RORB: variants seen among roughly 807,000 people sequenced by gnomAD.
The protein encoded by RORB is RAR related orphan receptor B.
In RORB, 6 loss-of-function variants were observed where a neutral mutation model predicts 59.1. The ratio of observed to expected loss-of-function variants is 0.10; its 90% CI spans 0.06 to 0.20. The LOEUF (loss-of-function observed/expected upper bound fraction) is 0.20, where lower values mean the gene tolerates loss of function less well. Among genes scored for constraint, RORB ranks in the 10% least tolerant of loss-of-function variants. The probability of loss-of-function intolerance (pLI) is 1.00; values close to 1 mark genes in which losing one functional copy is unlikely to be tolerated. For synonymous variants in RORB, 215 were observed against 204.5 expected (o/e 1.05, Z -0.44); for missense variants, 320 against 560.5 (o/e 0.57, Z 4.33).
intron 4 of RORB, among the ~76,000 whole-genome samples, chr9:74,644,500 C>T (rs752729227): frequency 6.6e-6 from 1 of 152,100 alleles, no homozygotes; most frequent in Non-Finnish European, 1.5e-5. Context: ...CCTATAATTA[C>T]TAAATGACAG....
intron 1 of RORB, among the ~76,000 whole-genome samples, chr9:74,517,361 G>T (rs1454143466): frequency 1.3e-5 from 2 of 151,938 alleles, no homozygotes; most frequent in Non-Finnish European, 2.9e-5. Context: ...TATGTAACTT[G>T]CACTATACTC....
chr9:74,508,601 A>G (rs1012454372), intron 1 of RORB, among the ~76,000 whole-genome samples: 9 of 152,014 alleles, frequency 5.9e-5, no homozygotes, highest in Non-Finnish European at 1.0e-4. Flanking sequence ...AAGAAGGTGT[A>G]AATGTAACTC....
Position 74,588,278 on chromosome 9 carries a change from C to T in RORB, c.8-42004C>T, listed in dbSNP as rs369317537. On this transcript the variant is annotated intron_variant, in intron 1 of 9. Coordinates refer to ENST00000376896, the MANE Select transcript of RORB (RefSeq NM_006914.4). Reference sequence around the variant, plus strand: ...TGGAAATTGAAGGATTTGGGCTAAGCCTCCTTCTGACTCTAATATTCTTTA... The same window carrying T: ...TGGAAATTGAAGGATTTGGGCTAAGTCTCCTTCTGACTCTAATATTCTTTA... 7.9e-5 allele frequency among the ~76,000 whole-genome samples: 12 copies of T among 152,172 alleles called. No individual in the cohort carries two copies. In the East Asian group the frequency reaches 1.7e-3, roughly 22 times the overall value.
chr9:74,625,763 G>A (rs1243900571), intron 1 of RORB, among the ~76,000 whole-genome samples: 1 of 152,192 alleles, frequency 6.6e-6, no homozygotes, highest in East Asian at 1.9e-4. Context: ...GTATGATCTT[G>A]TCCCTCTCTT....
At chr9:74,623,202 C>T (rs761255522) in intron 1 of RORB, among the ~76,000 whole-genome samples, 1 of 152,136 alleles carries the variant, frequency 6.6e-6, no homozygotes, top group African/African-American at 2.4e-5. Flanking sequence ...TTTGTCAGTA[C>T]TGAGTATCCA....
intron 1 of RORB, among the ~76,000 whole-genome samples, chr9:74,534,937 C>T (rs1164073384): frequency 1.3e-5 from 2 of 152,064 alleles, no homozygotes; most frequent in South Asian, 2.1e-4. Flanking sequence ...AGGCAAAGAA[C>T]AGATCTATCA....
At chr9:74,533,923 G>A (rs901728491) in intron 1 of RORB, among the ~76,000 whole-genome samples, 1 of 151,968 alleles carries the variant, frequency 6.6e-6, no homozygotes, top group Non-Finnish European at 1.5e-5. Flanking sequence ...GAAGGACGCT[G>A]TACTGTTGAC....
chr9:74,602,766 C>G (rs754470091), intron 1 of RORB, among the ~76,000 whole-genome samples: 18 of 152,110 alleles, frequency 1.2e-4, no homozygotes, highest in African/African-American at 4.1e-4. Context: ...AAATTTTTCA[C>G]TGTATAAATT....
At chr9:74,526,139 G>C (rs1296712051) in intron 1 of RORB, among the ~76,000 whole-genome samples, 1 of 151,810 alleles carries the variant, frequency 6.6e-6, no homozygotes, top group Non-Finnish European at 1.5e-5. Flanking sequence ...AGAATCACAA[G>C]AGAATTTATT....
chr9:74,592,044 G>A (rs1192985723), intron 1 of RORB, among the ~76,000 whole-genome samples: 1 of 152,058 alleles, frequency 6.6e-6, no homozygotes, highest in Non-Finnish European at 1.5e-5. Context: ...TCGCAAAATA[G>A]GAAGTAGATG....
At chr9:74,634,417 A>T (rs750219163) in intron 2 of RORB, among the ~76,000 whole-genome samples, 2 of 152,236 alleles carry the variant, frequency 1.3e-5, no homozygotes, top group African/African-American at 2.4e-5. Context: ...GAATGAATGA[A>T]TGGGTAAATG....
At chr9:74,651,640 A>G (rs1410277081) in intron 4 of RORB, among the ~76,000 whole-genome samples, 1 of 152,218 alleles carries the variant, frequency 6.6e-6, no homozygotes, top group African/African-American at 2.4e-5. Flanking sequence ...ATCCTCTTGC[A>G]GATGGAGGAT....
At chr9:74,670,904 T>C (rs1259017356) in intron 8 of RORB, among the ~76,000 whole-genome samples, 1 of 152,228 alleles carries the variant, frequency 6.6e-6, no homozygotes, top group African/African-American at 2.4e-5. Flanking sequence ...GATTACAGAA[T>C]TGAGTTTCTC....
At chr9:74,499,377 C>T (rs565073459) in intron 1 of RORB, among the ~76,000 whole-genome samples, 51 of 152,292 alleles carry the variant, frequency 3.3e-4, no homozygotes, top group African/African-American at 1.1e-3. Context: ...CCCACTCCCT[C>T]CCGCACCCGG....
chr9:74,597,427 GC>G (rs1822984312), intron 1 of RORB, among the ~76,000 whole-genome samples: 1 of 152,136 alleles, frequency 6.6e-6, no homozygotes, highest in Admixed American at 6.5e-5. Context: ...CTTGAAACAT[GC>G]ACAGAATAAA....
intron 1 of RORB, among the ~76,000 whole-genome samples, chr9:74,528,747 G>A (rs550705087): frequency 2.4e-4 from 37 of 152,016 alleles, no homozygotes; most frequent in African/African-American, 8.9e-4. Context: ...GCTATTCTAT[G>A]TCCTATGCTT....
intron 3 of RORB, among the ~76,000 whole-genome samples, chr9:74,640,643 C>A (rs1193184349): frequency 1.3e-5 from 2 of 152,120 alleles, no homozygotes. Flanking sequence ...CTTCTTCAAA[C>A]CCAGCCCTCA....
At position 74,686,987 on chromosome 9, in the gene RORB, A is replaced by T. The variant is rs932508692; in HGVS notation, c.*1369A>T. 4.6e-5 allele frequency: 7 copies of T among 152,108 alleles called. No homozygotes were observed. The highest frequency in any genetic ancestry group is 1.0e-4 in the Non-Finnish European group (7 of 68,004). 9.4% of individuals were successfully genotyped at this position (152,108 alleles called of 1,614,324 possible). On this transcript the variant is annotated 3_prime_UTR_variant, in exon 10 of 10. Coordinates refer to ENST00000376896, the MANE Select transcript of RORB (RefSeq NM_006914.4). The stretch of plus-strand genomic sequence containing the variant: ...CCATTTACCCTAGAATTATTTTTTT[A>T]GCAACTTTTAGAAATAAAGAATACA...
At chr9:74,517,429 G>A (rs903616053) in intron 1 of RORB, among the ~76,000 whole-genome samples, 7 of 151,956 alleles carry the variant, frequency 4.6e-5, no homozygotes, top group Non-Finnish European at 8.8e-5. Flanking sequence ...AGAAAGGTAC[G>A]GCGTGGTGGT....
Sources: allele counts gnomAD v4.1 joint callset (sites outside exome capture counted in the v4.1 genomes callset), GRCh38; gene constraint gnomAD v4.1.1; transcripts MANE v1.5; gene names NCBI Gene and HGNC (gene_info 2026-07-23, HGNC 2026-07-21).